Variants in SPINK5 observed in about 807,000 individuals in gnomAD.
The protein encoded by SPINK5 is serine peptidase inhibitor Kazal type 5, also known as serine protease inhibitor Kazal-type 5.
SPINK5 carries 125 observed loss-of-function variants against 151.8 expected under a neutral mutation model. The observed-to-expected ratio is 0.82, with a 90% CI of 0.71 to 0.96. The LOEUF (loss-of-function observed/expected upper bound fraction) is 0.96. Ranked by LOEUF, SPINK5 falls within the 40% of genes least tolerant of loss-of-function variation. The pLI is 0.00. For synonymous variants in SPINK5, 374 were observed against 395.3 expected (o/e 0.95, Z 0.64); for missense variants, 1,194 against 1,291.9 (o/e 0.92, Z 1.16).
rs1365765196 is a variant in SPINK5 at position 148,133,737 on chromosome 5, TA to T, written c.3096-59del. ...AGTGTCCTGCATGTTGGTCCTTATTTATTTTCTTATTATAACTGAGAACTTC... is the reference window on the plus strand; with the variant it reads ...AGTGTCCTGCATGTTGGTCCTTATTTTTTTCTTATTATAACTGAGAACTTC... On this transcript the variant is annotated intron_variant, in intron 31 of 32. Coordinates refer to ENST00000256084, the MANE Select transcript of SPINK5 (RefSeq NM_006846.4). 1.6e-5 allele frequency: 25 copies of T among 1,560,720 alleles called. No individual in the cohort carries two copies. In the East Asian group the frequency reaches 5.2e-4, roughly 32 times the overall value.
Position 148,108,801 on chromosome 5 carries a change from A to G in SPINK5, c.1656A>G (p.Lys552=). 1 of 1,612,504 alleles carries G rather than the reference A, an allele frequency of 6.2e-7. No individual in the cohort carries two copies. Among genetic ancestry groups the G allele is most frequent in the African/African-American group, 1.3e-5 (1 of 74,970 alleles). Residue 552 remains lysine (K), a synonymous_variant, in exon 18 of 33, where the codon AAA becomes AAG. Coordinates refer to ENST00000256084, the MANE Select transcript of SPINK5 (RefSeq NM_006846.4). ...EKKNDKEEKG[K]VEAEKVKREA... Reference sequence around the variant, plus strand: ...AAAATGATAAAGAAGAAAAAGGGAAAGTCGAGGCTGAAAAAGTTAAGAGAG... The same window carrying G: ...AAAATGATAAAGAAGAAAAAGGGAAGGTCGAGGCTGAAAAAGTTAAGAGAG...
chr5:148,086,678 C>A, intron 5 of SPINK5, 146 bp downstream of exon 5: 2 of 1,021,854 alleles, frequency 2.0e-6, no homozygotes, highest in Non-Finnish European at 2.8e-6. Flanking sequence ...TCTTTTACTA[C>A]TCTTAAGACA....
At chr5:148,064,790 A>G (rs1040850185) in intron 1 of SPINK5, among the ~76,000 whole-genome samples, 15 of 152,200 alleles carry the variant, frequency 9.9e-5, no homozygotes, top group Non-Finnish European at 1.5e-4. Context: ...GTGTGTAGGT[A>G]CAAAAGAGCC....
intron 4 of SPINK5, among the ~76,000 whole-genome samples, chr5:148,079,351 T>C (rs1481515426): frequency 2.0e-5 from 3 of 151,014 alleles, no homozygotes; most frequent in Non-Finnish European, 4.5e-5. Context: ...AAAGGAGAAA[T>C]AATATGAATT....
intron 18 of SPINK5, among the ~76,000 whole-genome samples, chr5:148,110,752 A>T (rs1016820542): frequency 1.3e-5 from 2 of 151,922 alleles, no homozygotes; most frequent in African/African-American, 4.8e-5. Flanking sequence ...GGGAAAGGGG[A>T]GGGAGAGCAT....
intron 26 of SPINK5, among the ~76,000 whole-genome samples, chr5:148,123,091 G>C (rs1754316495): frequency 6.6e-6 from 1 of 151,792 alleles, no homozygotes; most frequent in Non-Finnish European, 1.5e-5. Context: ...GCTCATGCCT[G>C]TAATCTCAGT....
At chr5:148,112,122 G>T (rs553505344) in intron 19 of SPINK5, among the ~76,000 whole-genome samples, 1 of 152,290 alleles carries the variant, frequency 6.6e-6, no homozygotes, top group East Asian at 1.9e-4. Context: ...AGGACCATGT[G>T]CTAAGAGCAA....
chr5:148,102,587 A>G (rs1581083374), intron 15 of SPINK5, among the ~76,000 whole-genome samples: 1 of 152,164 alleles, frequency 6.6e-6, no homozygotes, highest in East Asian at 1.9e-4. Context: ...GTAACCTAGA[A>G]TCATTCACCC....
At chr5:148,086,859 T>G (rs1324019869) in intron 5 of SPINK5, among the ~76,000 whole-genome samples, 1 of 149,884 alleles carries the variant, frequency 6.7e-6, no homozygotes, top group Non-Finnish European at 1.5e-5. Flanking sequence ...AAAATATAGC[T>G]TTAATATAAT....
intron 3 of SPINK5, 43 bp from the exon 4 acceptor site, chr5:148,072,105 A>T: frequency 6.3e-7 from 1 of 1,580,472 alleles, no homozygotes; most frequent in Non-Finnish European, 8.7e-7. Flanking sequence ...TTAAAAGTTG[A>T]GCAAACAATG....
chr5:148,123,531 A>G (rs1203566258), intron 26 of SPINK5, among the ~76,000 whole-genome samples: 1 of 26,662 alleles, frequency 3.8e-5, no homozygotes, highest in African/African-American at 9.0e-5. Flanking sequence ...GTATATATAT[A>G]TATATATATA....
At chr5:148,109,875 G>T (rs536221001) in intron 18 of SPINK5, among the ~76,000 whole-genome samples, 77 of 152,272 alleles carry the variant, frequency 5.1e-4, no homozygotes, top group African/African-American at 1.8e-3. Flanking sequence ...GTCTGGAAGT[G>T]CCATACATGG....
Position 148,136,966 on chromosome 5 carries a change from C to T in SPINK5, c.3187-17C>T, listed in dbSNP as rs1196075129. 3 of 1,613,678 alleles carry T rather than the reference C, an allele frequency of 1.9e-6. No individual in the cohort carries two copies. Among genetic ancestry groups the T allele is most frequent in the Non-Finnish European group, 1.7e-6 (2 of 1,179,648 alleles). On this transcript the variant is annotated splice_polypyrimidine_tract_variant and intron_variant, in intron 32 of 32. Coordinates refer to ENST00000256084, the MANE Select transcript of SPINK5 (RefSeq NM_006846.4). ...TCTCTGGGTTCTAGCATCTAACCTA[C>T]CCATCTTCTCTTCTAGGACGAATGA...
In SPINK5 at chr5:148,064,029, T is replaced by C. The variant is rs1456571355; in HGVS notation, c.-16T>C. On this transcript the variant is annotated 5_prime_UTR_variant, in exon 1 of 33. Coordinates refer to ENST00000256084, the MANE Select transcript of SPINK5 (RefSeq NM_006846.4). ...TGCATGGAGTGGACCTGTAGGCGACTTGCATCGTCTTCAACATGAAGATAG... is the reference window on the plus strand; with the variant it reads ...TGCATGGAGTGGACCTGTAGGCGACCTGCATCGTCTTCAACATGAAGATAG... 16 of 1,614,150 alleles carry C rather than the reference T, an allele frequency of 9.9e-6. No homozygotes were observed. The highest frequency in any genetic ancestry group is 1.4e-5 in the Non-Finnish European group (16 of 1,180,020).
At chr5:148,108,316 TTTTAG>T (rs1300156043) in intron 17 of SPINK5, among the ~76,000 whole-genome samples, 1 of 152,184 alleles carries the variant, frequency 6.6e-6, no homozygotes, top group Admixed American at 6.5e-5. Flanking sequence ...TATTTAAAAT[TTTTAG>T]TTTAAAGTAA....
rs1268669024 is a variant in SPINK5 at position 148,137,125 on chromosome 5, G to A, written c.*134G>A. 2.5e-6 allele frequency: 3 copies of A among 1,176,920 alleles called. No individual in the cohort carries two copies. The highest frequency in any genetic ancestry group is 2.5e-6 in the Non-Finnish European group (2 of 790,666). The allele number at this position is 1,176,920 out of a possible 1,614,324, so 72.9% of individuals were successfully genotyped here. A position where few individuals can be genotyped will look rare whatever the true frequency, so the allele number is the denominator to read the frequency against. ...ATAGAAAACAATACAGAGCTTTTGG[G>A]AATGGACTCACTGATTTTCAGTCTT... On this transcript the variant is annotated 3_prime_UTR_variant, in exon 33 of 33. Coordinates refer to ENST00000256084, the MANE Select transcript of SPINK5 (RefSeq NM_006846.4).
intron 9 of SPINK5, among the ~76,000 whole-genome samples, chr5:148,095,019 C>T (rs1353517514): frequency 6.6e-6 from 1 of 151,932 alleles, no homozygotes. Context: ...GCTTCTCTAG[C>T]TCTACAAGCC....
Position 148,125,765 on chromosome 5 carries a change from C to A in SPINK5, c.2782C>A (p.Leu928Ile), listed in dbSNP as rs1338766208. ...TCGAAACTATATAAGGAACAATGAA[C>A]TCATCTGCCCTAGAGAGAATGACCC... ...EFRNYIRNNE[L>I]ICPRENDPVH... Residue 928 changes from leucine to isoleucine, a missense_variant, in exon 29 of 33, where the codon CTC becomes ATC. Leu to Ile is a conservative substitution (Grantham distance 5). Coordinates refer to ENST00000256084, the MANE Select transcript of SPINK5 (RefSeq NM_006846.4). 5 of 1,614,074 alleles carry A rather than the reference C, an allele frequency of 3.1e-6. No homozygotes were observed. Among genetic ancestry groups the A allele is most frequent in the South Asian group, 1.1e-5 (1 of 91,092 alleles).
At chr5:148,115,231 G>A (rs936705170) in intron 21 of SPINK5, among the ~76,000 whole-genome samples, 2 of 152,088 alleles carry the variant, frequency 1.3e-5, no homozygotes, top group Non-Finnish European at 2.9e-5. Context: ...GGAGAAGAAG[G>A]GAACAGCAAG....
Sources: gnomAD v4.1 joint callset for allele counts (sites outside exome capture counted in the v4.1 genomes callset) on GRCh38, gnomAD v4.1.1 for gene constraint, MANE v1.5 for transcripts, NCBI Gene and HGNC (gene_info 2026-07-23, HGNC 2026-07-21) for gene names.